LRRC37A2: variants seen among roughly 807,000 people sequenced by gnomAD.
LRRC37A2 encodes leucine rich repeat containing 37 member A2.
In LRRC37A2, 9 loss-of-function variants were observed where a neutral mutation model predicts 68.8. The ratio of observed to expected loss-of-function variants is 0.13; its 90% CI spans 0.08 to 0.23. LRRC37A2 has a LOEUF of 0.23. Among genes scored for constraint, LRRC37A2 ranks in the 10% least tolerant of loss-of-function variants. The pLI, the probability that LRRC37A2 is intolerant of heterozygous loss-of-function variation, is 1.00. For missense variants in LRRC37A2, 168 were observed against 950.4 expected (o/e 0.18, Z 10.82); for synonymous variants, 63 against 367.6 (o/e 0.17, Z 9.48).
At chr17:46,852,389 A>AGT in the LRRC37A2 span, among the ~76,000 whole-genome samples, 7,059 of 105,244 alleles carry the variant, frequency 0.067, 294 homozygotes, top group Middle Eastern at 0.15. Context: ...GAGAGGGCCC[A>AGT]GTGTGTGTGT....
At chr17:46,740,530 G>C in the LRRC37A2 span, among the ~76,000 whole-genome samples, 1 of 152,264 alleles carries the variant, frequency 6.6e-6, no homozygotes, top group East Asian at 1.9e-4. Flanking sequence ...GTGGATATAA[G>C]AGTGGGGAGT....
chr17:46,635,777 A>ATGTGTG, the LRRC37A2 span, among the ~76,000 whole-genome samples: 18,345 of 116,598 alleles, frequency 0.16, 2,480 homozygotes, highest in Middle Eastern at 0.27. Flanking sequence ...GGGAAAATAA[A>ATGTGTG]TGTGTGTGTG....
At chr17:47,028,267 T>G in the LRRC37A2 span, 53 of 1,376,610 alleles carry the variant, frequency 3.9e-5, no homozygotes, top group Non-Finnish European at 4.9e-5. Flanking sequence ...GCTTGTGTCT[T>G]TTTTTTTTTT....
At chr17:47,048,598 C>T in the LRRC37A2 span, among the ~76,000 whole-genome samples, 4 of 99,776 alleles carry the variant, frequency 4.0e-5, no homozygotes, top group Middle Eastern at 4.1e-3. Flanking sequence ...TTTTCCATGT[C>T]GCATCTTCTG....
At chr17:46,891,505 G>C in the LRRC37A2 span, among the ~76,000 whole-genome samples, 1 of 152,176 alleles carries the variant, frequency 6.6e-6, no homozygotes, top group Non-Finnish European at 1.5e-5. Context: ...AACGTCCTCA[G>C]TTGGGCCAAG....
At chr17:46,836,915 G>A in the LRRC37A2 span, among the ~76,000 whole-genome samples, 1 of 152,316 alleles carries the variant, frequency 6.6e-6, no homozygotes, top group South Asian at 2.1e-4. Context: ...GAAGAACTCA[G>A]CATAGGACCC....
chr17:46,820,483 G>T, the LRRC37A2 span, among the ~76,000 whole-genome samples: 1 of 152,058 alleles, frequency 6.6e-6, no homozygotes, highest in Non-Finnish European at 1.5e-5. Context: ...AAGGGGCAGG[G>T]GGGAGGCGGA....
the LRRC37A2 span, among the ~76,000 whole-genome samples, chr17:46,737,856 C>T: frequency 7.3e-5 from 11 of 151,686 alleles, no homozygotes; most frequent in East Asian, 1.9e-4. Flanking sequence ...GGAATTCAAG[C>T]GCTGCAGCAA....
the LRRC37A2 span, among the ~76,000 whole-genome samples, chr17:46,502,433 C>G: frequency 6.6e-6 from 1 of 151,046 alleles, no homozygotes. Context: ...TCCCAAGTAG[C>G]TGGGATTATA....
the LRRC37A2 span, among the ~76,000 whole-genome samples, chr17:46,768,072 G>A: frequency 2.0e-5 from 3 of 152,212 alleles, no homozygotes; most frequent in Non-Finnish European, 4.4e-5. This position sits in a 1 kb window ranked among gnomAD's most constrained non-coding sequence, Gnocchi z 5.0. Flanking sequence ...ACAGGCGTGA[G>A]CCACCGCACC....
the LRRC37A2 span, among the ~76,000 whole-genome samples, chr17:46,950,678 TGCCTGCCCGGGGCCCTGCTCAGTG>T: frequency 1.3e-5 from 2 of 152,132 alleles, no homozygotes; most frequent in Non-Finnish European, 2.9e-5. Flanking sequence ...CCCACCATCC[TGCCTGCCCGGGGCCCTGCTCAGTG>T]GCTTGAGAGG....
chr17:47,024,141 G>A, the LRRC37A2 span, among the ~76,000 whole-genome samples: 743 of 152,256 alleles, frequency 4.9e-3, 9 homozygotes, highest in African/African-American at 0.017. Context: ...AGGATCACTC[G>A]AGCCAGGAGT....
chr17:46,891,160 TTC>T, the LRRC37A2 span, among the ~76,000 whole-genome samples: 1 of 152,206 alleles, frequency 6.6e-6, no homozygotes, highest in African/African-American at 2.4e-5. Flanking sequence ...GACCCTGAAA[TTC>T]TGTGTCTGGG....
intron 8 of LRRC37A2, among the ~76,000 whole-genome samples, chr17:46,541,387 G>C (rs1397840089): frequency 2.3e-4 from 34 of 148,222 alleles, no homozygotes; most frequent in Non-Finnish European, 4.3e-4. Flanking sequence ...GAGTAGCTGG[G>C]ATTACAGGCG....
chr17:46,853,995 T>C, the LRRC37A2 span, among the ~76,000 whole-genome samples: 1 of 150,548 alleles, frequency 6.6e-6, no homozygotes, highest in East Asian at 1.9e-4. Context: ...CAAATAGGCC[T>C]GGGTTAGGGC....
chr17:46,708,818 A>ATTT, the LRRC37A2 span, among the ~76,000 whole-genome samples: 1 of 104,816 alleles, frequency 9.5e-6, no homozygotes, highest in African/African-American at 3.8e-5. Flanking sequence ...ATATATATAT[A>ATTT]TATATTTTTT....
At chr17:46,965,059 C>G in the LRRC37A2 span, 2 of 152,166 alleles carry the variant, frequency 1.3e-5, no homozygotes, top group Non-Finnish European at 2.9e-5. Flanking sequence ...TGTGTGATGG[C>G]CCAGACATGT....
chr17:46,946,233 C>G, the LRRC37A2 span, among the ~76,000 whole-genome samples: 1 of 146,072 alleles, frequency 6.8e-6, no homozygotes, highest in African/African-American at 2.6e-5. Flanking sequence ...GTCAGGAGTT[C>G]GAGACCAGCC....
chr17:46,721,789 G>T, the LRRC37A2 span: 1 of 1,601,022 alleles, frequency 6.2e-7, no homozygotes, highest in Non-Finnish European at 8.6e-7. Context: ...GGAAGGCATC[G>T]TGCACAGCTG....
Sources: gnomAD v4.1 joint callset for allele counts (sites outside exome capture counted in the v4.1 genomes callset) on GRCh38, gnomAD v4.1.1 for gene constraint, Gnocchi (gnomAD v3.1) non-coding constraint, MANE v1.5 for transcripts, NCBI Gene and HGNC (gene_info 2026-07-23, HGNC 2026-07-21) for gene names.